PVALEF: variants seen among roughly 807,000 people sequenced by gnomAD.
PVALEF encodes parvalbumin-like EF-hand-containing protein.
Under a neutral mutation model 1.2 loss-of-function variants are expected in PVALEF, and 2 were observed. The observed-to-expected ratio is 1.68, with a 90% confidence interval of 0.69 to 5.28. PVALEF has a LOEUF of 5.28. PVALEF is among the 30% of genes most tolerant of loss of function. The pLI is 0.06. For synonymous variants in PVALEF, 16 were observed against 6.5 expected, an observed-to-expected ratio of 2.47 and a Z score of -2.24; for missense variants, 35 against 17.7, an observed-to-expected ratio of 1.97 and a Z score of -1.75.
At chr17:81,177,075 C>T (rs1464152693) in intron 2 of PVALEF, among the ~76,000 whole-genome samples, 2 of 151,518 alleles carry the variant, frequency 1.3e-5, no homozygotes, top group African/African-American at 4.8e-5. Flanking sequence ...TCCAGTCTCG[C>T]ACCACCAACG....
chr17:81,166,743 T>C lies in PVALEF; in HGVS notation c.-441T>C, dbSNP rs1598243877. 2.2e-6 allele frequency: 1 copy of C among 454,496 alleles called. No individual in the cohort carries two copies. The highest frequency in any genetic ancestry group is 4.4e-6 in the Non-Finnish European group (1 of 226,396). 28.2% of individuals were successfully genotyped at this position (454,496 alleles called of 1,614,324 possible). On this transcript the variant is annotated 5_prime_UTR_variant, in exon 2 of 7. Transcript: ENST00000637878. ...TTGGGTGGCACCTGTGCTGGTGGAGTGGGGGTGGCTGGCTTTGCACACAGG... is the reference window on the plus strand; with the variant it reads ...TTGGGTGGCACCTGTGCTGGTGGAGCGGGGGTGGCTGGCTTTGCACACAGG...
At chr17:81,172,800 GTCCTCAGCTCCCA>G (rs1200077511) in intron 2 of PVALEF, among the ~76,000 whole-genome samples, 3 of 151,978 alleles carry the variant, frequency 2.0e-5, no homozygotes, top group Non-Finnish European at 4.4e-5. Flanking sequence ...TTGCTGGACC[GTCCTCAGCTCCCA>G]GGCACAACAC....
At chr17:81,166,111 C>G (rs2061487926) in intron 1 of PVALEF, 1 of 467,326 alleles carries the variant, frequency 2.1e-6, no homozygotes, top group Non-Finnish European at 2.8e-6. Context: ...CGCCGGCCCC[C>G]GCGCCCCGCG....
At chr17:81,169,336 AC>A (rs2146442369) in intron 2 of PVALEF, among the ~76,000 whole-genome samples, 1 of 151,154 alleles carries the variant, frequency 6.6e-6, no homozygotes, top group African/African-American at 2.4e-5. Flanking sequence ...GCAGTGGCTC[AC>A]GCCTGTAATC....
rs375075299 is a variant in PVALEF at position 81,181,233 on chromosome 17, G to A, written c.7G>A (p.Glu3Lys). ME[E>K]DFSSQMKKMA... ...CTATCCACCCAGGACCAGGATGGAG[G>A]AGGACTTCTCCTCCCAGATGAAGAA... Residue 3 changes from glutamate (E) to lysine (K), a missense_variant, in exon 4 of 7, where the codon GAG (glutamate) becomes AAG (lysine). Glu to Lys is a moderately conservative substitution (Grantham distance 56, BLOSUM62 1). Coordinates refer to ENST00000637878, the MANE Select transcript of PVALEF (RefSeq NM_001354639.2). 3 of 702,954 alleles carry A rather than the reference G, an allele frequency of 4.3e-6. No homozygotes were observed. Among genetic ancestry groups the A allele is most frequent in the Non-Finnish European group, 7.8e-6 (3 of 384,718 alleles). 43.5% of individuals were successfully genotyped at this position (702,954 alleles called of 1,614,324 possible). A position where few individuals can be genotyped will look rare whatever the true frequency, so the allele number is the denominator to read the frequency against.
intron 2 of PVALEF, among the ~76,000 whole-genome samples, chr17:81,178,029 G>T (rs769016865): frequency 6.6e-6 from 1 of 152,164 alleles, no homozygotes; most frequent in Non-Finnish European, 1.5e-5. Flanking sequence ...TGGCTGGGAC[G>T]GGTGTAGACT....
At chr17:81,180,172 G>A (rs1278434011) in intron 3 of PVALEF, among the ~76,000 whole-genome samples, 1 of 152,198 alleles carries the variant, frequency 6.6e-6, no homozygotes, top group Non-Finnish European at 1.5e-5. Context: ...CAGTGGGATT[G>A]GGGGTGGTGA....
Position 81,181,143 on chromosome 17 carries a change from C to A in PVALEF, c.-84C>A. 1.5e-6 allele frequency: 1 copy of A among 687,800 alleles called. No homozygotes were observed. Among genetic ancestry groups the A allele is most frequent in the Non-Finnish European group, 2.7e-6 (1 of 376,884 alleles). The allele number at this position is 687,800 out of a possible 1,614,324, so 42.6% of individuals were successfully genotyped here. Reference sequence around the variant, plus strand: ...TACAGCAGGATCCAGCACCACGCGGCGTCTACGTCTGCTCTGGCCCAAGCA... The same window carrying A: ...TACAGCAGGATCCAGCACCACGCGGAGTCTACGTCTGCTCTGGCCCAAGCA... On this transcript the variant is annotated 5_prime_UTR_variant, in exon 4 of 7. Coordinates refer to ENST00000637878, the MANE Select transcript of PVALEF (RefSeq NM_001354639.2).
Position 81,181,295 on chromosome 17 carries a change from G to C in PVALEF, c.69G>C (p.Lys23Asn), listed in dbSNP as rs376388581. The change falls in exon 4 of 7, where the codon AAG becomes AAC. Residue 23 changes from lysine (K) to asparagine (N), a missense_variant. Transcript: ENST00000637878. ...CCATGGGCACGTCCCTATCAGACAA[G>C]GACATTGAGCTGCTGCCCACAGACA... ...ALAMGTSLSDKDIELLPTDMR... is the reference protein window; with the variant it reads ...ALAMGTSLSDNDIELLPTDMR... 21 of 698,922 alleles carry C rather than the reference G, an allele frequency of 3.0e-5. No homozygotes were observed. The highest frequency in any genetic ancestry group is 3.0e-4 in the African/African-American group (17 of 57,302). 43.3% of individuals were successfully genotyped at this position (698,922 alleles called of 1,614,324 possible).
At position 81,179,114 on chromosome 17, in the gene PVALEF, G is replaced by C; in HGVS notation, c.-143G>C. 2.4e-6 allele frequency: 1 copy of C among 420,834 alleles called. No individual in the cohort carries two copies. Among genetic ancestry groups the C allele is most frequent in the Non-Finnish European group, 4.8e-6 (1 of 207,112 alleles). The allele number at this position is 420,834 out of a possible 1,614,324, so 26.1% of individuals were successfully genotyped here. On this transcript the variant is annotated 5_prime_UTR_variant, in exon 3 of 7. Transcript: ENST00000637878. ...CCTGGGCCTCTCCACACCCCAGCCT[G>C]ACCCACCTTCCAGAACTCTCGAAAG...
At chr17:81,174,758 G>T (rs1295551552) in intron 2 of PVALEF, among the ~76,000 whole-genome samples, 1 of 152,046 alleles carries the variant, frequency 6.6e-6, no homozygotes, top group Non-Finnish European at 1.5e-5. Flanking sequence ...GACCATCCTG[G>T]CTAACACAGT....
Position 81,181,240 on chromosome 17 carries a change from T to C in PVALEF, c.14T>C (p.Phe5Ser), listed in dbSNP as rs1273693283. The change falls in exon 4 of 7, where the codon TTC becomes TCC. Residue 5 changes from phenylalanine to serine, a missense_variant. Physicochemically the swap from Phe to Ser is radical, Grantham distance 155. Transcript: ENST00000637878. MEED[F>S]SSQMKKMALA... ...CCCAGGACCAGGATGGAGGAGGACT[T>C]CTCCTCCCAGATGAAGAAGATGGCC... 4.3e-6 allele frequency: 3 copies of C among 702,698 alleles called. No homozygotes were observed. The East Asian group carries it at 8.1e-5, about 19-fold the overall frequency. The allele number at this position is 702,698 out of a possible 1,614,324, so 43.5% of individuals were successfully genotyped here. A position where few individuals can be genotyped will look rare whatever the true frequency, so the allele number is the denominator to read the frequency against.
At chr17:81,170,010 ATGTG>A (rs1382801178) in intron 2 of PVALEF, among the ~76,000 whole-genome samples, 2 of 142,864 alleles carry the variant, frequency 1.4e-5, no homozygotes, top group African/African-American at 5.3e-5. Context: ...GTGTGTCTGC[ATGTG>A]TATGTGCATA....
At chr17:81,181,867 G>T in intron 5 of PVALEF, 99 bp from the exon 6 acceptor site, 1 of 398,114 alleles carries the variant, frequency 2.5e-6, no homozygotes, top group Non-Finnish European at 4.4e-6. Context: ...CTCCCGGCCC[G>T]AAGTGCCCTT....
At chr17:81,172,962 C>T (rs980272227) in intron 2 of PVALEF, among the ~76,000 whole-genome samples, 6 of 152,018 alleles carry the variant, frequency 3.9e-5, no homozygotes, top group African/African-American at 7.2e-5. Context: ...CCTGTGGTTT[C>T]AGGTGGAGAA....
rs1033615835 is a variant in PVALEF, at chr17:81,178,777, C to G, written c.-339-141C>G. On this transcript the variant is annotated intron_variant, in intron 2 of 6. Coordinates refer to ENST00000637878, the MANE Select transcript of PVALEF (RefSeq NM_001354639.2). The stretch of plus-strand genomic sequence containing the variant: ...AACCCGCTGCACTGGAGGCCCGAGG[C>G]GTGGGTTCCAGCACCATGACCTTGG... The G allele has an allele frequency of 1.7e-5, 3 of 174,188 alleles. No homozygotes were observed. The Admixed American group carries it at 1.8e-4, about 11-fold the overall frequency. The allele number at this position is 174,188 out of a possible 1,614,324, so 10.8% of individuals were successfully genotyped here. A position where few individuals can be genotyped will look rare whatever the true frequency, so the allele number is the denominator to read the frequency against.
chr17:81,169,812 A>G (rs1226436377), intron 2 of PVALEF, among the ~76,000 whole-genome samples: 1 of 149,572 alleles, frequency 6.7e-6, no homozygotes, highest in African/African-American at 2.5e-5. Flanking sequence ...TGGTATGTAT[A>G]TGTGTGTCTG....
intron 2 of PVALEF, among the ~76,000 whole-genome samples, chr17:81,177,596 T>C (rs1438408576): frequency 2.0e-5 from 3 of 151,644 alleles, no homozygotes; most frequent in Non-Finnish European, 4.4e-5. Context: ...AAATTTATAC[T>C]ATGTGAATTT....
intron 2 of PVALEF, among the ~76,000 whole-genome samples, chr17:81,168,154 G>A (rs1223759885): frequency 6.6e-6 from 1 of 152,206 alleles, no homozygotes; most frequent in Non-Finnish European, 1.5e-5. Flanking sequence ...AGTGGCCGTG[G>A]GTGGTTGCTG....
Sources: allele counts gnomAD v4.1 joint callset (sites outside exome capture counted in the v4.1 genomes callset), GRCh38; gene constraint gnomAD v4.1.1; transcripts MANE v1.5; gene names NCBI Gene and HGNC (gene_info 2026-07-23, HGNC 2026-07-21).